TAX1BP3: variants seen among roughly 807,000 people sequenced by gnomAD.
The protein encoded by TAX1BP3 is Tax1 binding protein 3.
TAX1BP3 carries 13 observed loss-of-function variants against 15.3 expected under a neutral mutation model. That is an observed-to-expected ratio of 0.85 (90% CI 0.55 to 1.35). The LOEUF (loss-of-function observed/expected upper bound fraction) is 1.35, where lower values mean the gene tolerates loss of function less well. TAX1BP3 is among the 40% of genes most tolerant of loss of function. The probability of loss-of-function intolerance (pLI) is 0.00; values close to 1 mark genes in which losing one functional copy is unlikely to be tolerated. For missense variants in TAX1BP3, 147 were observed against 169.6 expected (o/e 0.87, Z 0.74); for synonymous variants, 70 against 66.0 (o/e 1.06, Z -0.30).
chr17:3,666,506 G>A (rs1597677091), intron 1 of TAX1BP3, among the ~76,000 whole-genome samples: 1 of 152,214 alleles, frequency 6.6e-6, no homozygotes, highest in African/African-American at 2.4e-5. Flanking sequence ...CCAGGAGGAG[G>A]AGGAGCAGGT....
chr17:3,663,593 A>G lies in TAX1BP3; in HGVS notation c.*155T>C, dbSNP rs1430148578. On this transcript the variant is annotated 3_prime_UTR_variant, in exon 4 of 4. Transcript: ENST00000225525. ...CCAGAGGCCCCAGGCCAGGGATGGG[A>G]GAAGGGAAGGAAGGCCAGGCCAGGC... 1.8e-6 allele frequency: 2 copies of G among 1,129,788 alleles called. No individual in the cohort carries two copies. The highest frequency in any genetic ancestry group is 3.1e-5 in the African/African-American group (2 of 63,806). The allele number at this position is 1,129,788 out of a possible 1,614,324, so 70.0% of individuals were successfully genotyped here.
rs1246557570 is a variant in TAX1BP3, at chr17:3,664,660, G to A, written c.159+19C>T. On this transcript the variant is annotated intron_variant, in intron 2 of 3. Coordinates refer to ENST00000225525, the MANE Select transcript of TAX1BP3 (RefSeq NM_014604.4). ...CCCTGTGCCCCATGGAGCGGTCCCA[G>A]GACCCCAGACCCCCTCACCTTGTCC... 1 of 1,613,580 alleles carries A rather than the reference G, an allele frequency of 6.2e-7. No homozygotes were observed. The highest frequency in any genetic ancestry group is 1.7e-5 in the Admixed American group (1 of 60,014).
At chr17:3,666,581 G>T (rs765923005) in intron 1 of TAX1BP3, among the ~76,000 whole-genome samples, 16 of 152,250 alleles carry the variant, frequency 1.1e-4, no homozygotes, top group Non-Finnish European at 1.8e-4. Flanking sequence ...TGGAGCCAGG[G>T]TTCAGAAGAA....
chr17:3,664,441 T>C, intron 2 of TAX1BP3, 169 bp from the exon 3 acceptor site: 1 of 925,898 alleles, frequency 1.1e-6, no homozygotes, highest in Non-Finnish European at 1.7e-6. Context: ...GCAGAGTTGC[T>C]GCACCACCAT....
chr17:3,665,085 G>A, intron 1 of TAX1BP3: 1 of 689,728 alleles, frequency 1.4e-6, no homozygotes, highest in South Asian at 1.6e-5. Flanking sequence ...CAAGAGTCCA[G>A]GTGCTGTGGC....
intron 2 of TAX1BP3, 53 bp downstream of exon 2, chr17:3,664,626 A>G (rs543880816): frequency 3.1e-6 from 5 of 1,607,306 alleles, no homozygotes; most frequent in East Asian, 2.2e-5. Flanking sequence ...GAGACCCACC[A>G]TCTCAGGCCC....
chr17:3,665,742 C>CAGAAAAAAAAA, intron 1 of TAX1BP3: 1 of 140,596 alleles, frequency 7.1e-6, no homozygotes, highest in South Asian at 6.8e-5. Context: ...CTCTGGGCTC[C>CAGAAAAAAAAA]AAAAAAAAAA....
Position 3,664,418 on chromosome 17 carries a change from TGA to T in TAX1BP3, c.160-148_160-147del, listed in dbSNP as rs977623048. The T allele has an allele frequency of 1.4e-5, 15 of 1,073,494 alleles. No individual in the cohort carries two copies. In the African/African-American group the frequency reaches 2.2e-4, roughly 16 times the overall value. 66.5% of individuals were successfully genotyped at this position (1,073,494 alleles called of 1,614,324 possible). On this transcript the variant is annotated intron_variant, in intron 2 of 3. Coordinates refer to ENST00000225525, the MANE Select transcript of TAX1BP3 (RefSeq NM_014604.4). Reference sequence around the variant, plus strand: ...CACATATGGTCAGTGAGGACTGTTCTGAGAGAGCCGGGGCAGAGTTGCTGCAC... The same window carrying T: ...CACATATGGTCAGTGAGGACTGTTCTGAGAGCCGGGGCAGAGTTGCTGCAC...
intron 1 of TAX1BP3, among the ~76,000 whole-genome samples, chr17:3,666,861 C>A (rs1374198076): frequency 6.6e-6 from 1 of 152,194 alleles, no homozygotes; most frequent in Admixed American, 6.5e-5. Flanking sequence ...AAACTGAGCT[C>A]CTCCAGGCCT....
At chr17:3,665,559 C>G (rs1199133151) in intron 1 of TAX1BP3, 8 of 1,379,334 alleles carry the variant, frequency 5.8e-6, no homozygotes, top group Non-Finnish European at 8.2e-6. Flanking sequence ...GGAAAATGAT[C>G]AGAAAAAGAA....
chr17:3,664,074 G>T, intron 3 of TAX1BP3, 121 bp downstream of exon 3: 1 of 1,467,042 alleles, frequency 6.8e-7, no homozygotes. Context: ...ATGCCAGTAT[G>T]GGTTCCCAAT....
chr17:3,668,470 C>G lies in TAX1BP3; in HGVS notation c.39+18G>C, dbSNP rs778584403. On this transcript the variant is annotated intron_variant, in intron 1 of 3. Transcript: ENST00000225525. This position sits in a 1 kb window ranked among gnomAD's most constrained non-coding sequence, Gnocchi z 4.1. ...GGGTCAGGCCAAGACGAGGAGGAGC[C>G]CGCGCAAGCGCACTCACCACCACGG... 1.2e-6 allele frequency: 2 copies of G among 1,607,592 alleles called. No homozygotes were observed. The highest frequency in any genetic ancestry group is 1.3e-5 in the African/African-American group (1 of 74,174).
At chr17:3,664,516 C>T (rs1004972922) in intron 2 of TAX1BP3, 163 bp downstream of exon 2, 1 of 1,106,256 alleles carries the variant, frequency 9.0e-7, no homozygotes, top group Non-Finnish European at 1.3e-6. Context: ...CCCTTCCTCA[C>T]CCCACCCGTC....
chr17:3,665,337 G>A, intron 1 of TAX1BP3: 6 of 1,261,752 alleles, frequency 4.8e-6, no homozygotes, highest in South Asian at 2.4e-5. Context: ...AGGTGATACT[G>A]TAGACATCAA....
rs1470540539 is a variant in TAX1BP3 at position 3,665,827 on chromosome 17, T to C, written c.40-1029A>G. Reference sequence around the variant, plus strand: ...GCGCACAGGGTGCCGTGGATACGTGTTCGTGAGACTGGAGTGTCCAGTGCA... The same window carrying C: ...GCGCACAGGGTGCCGTGGATACGTGCTCGTGAGACTGGAGTGTCCAGTGCA... On this transcript the variant is annotated intron_variant, in intron 1 of 3. Coordinates refer to ENST00000225525, the MANE Select transcript of TAX1BP3 (RefSeq NM_014604.4). The C allele has an allele frequency of 4.9e-6, 3 of 617,692 alleles. No individual in the cohort carries two copies. In the African/African-American group the frequency reaches 5.6e-5, roughly 12 times the overall value. The allele number at this position is 617,692 out of a possible 1,614,324, so 38.3% of individuals were successfully genotyped here.
intron 1 of TAX1BP3, chr17:3,665,407 G>A (rs1157797714): frequency 8.2e-6 from 12 of 1,463,080 alleles, no homozygotes; most frequent in Non-Finnish European, 1.0e-5. Flanking sequence ...AAAACTGGAA[G>A]AGTCTACAAT....
In TAX1BP3 at chr17:3,668,578, T is replaced by A; in HGVS notation, c.-52A>T. 2 of 1,558,458 alleles carry A rather than the reference T, an allele frequency of 1.3e-6. No individual in the cohort carries two copies. Among genetic ancestry groups the A allele is most frequent in the Non-Finnish European group, 1.7e-6 (2 of 1,153,438 alleles). Reference sequence around the variant, plus strand: ...CCGCTCCGAGAAGCCGGCAGCAGAGTACCCGCGGTCGCGCCCTCGCTGCTT... The same window carrying A: ...CCGCTCCGAGAAGCCGGCAGCAGAGAACCCGCGGTCGCGCCCTCGCTGCTT... On this transcript the variant is annotated 5_prime_UTR_variant, in exon 1 of 4. Coordinates refer to ENST00000225525, the MANE Select transcript of TAX1BP3 (RefSeq NM_014604.4). This position sits in a 1 kb window ranked among gnomAD's most constrained non-coding sequence, Gnocchi z 4.1.
chr17:3,665,158 T>A, intron 1 of TAX1BP3: 1 of 841,808 alleles, frequency 1.2e-6, no homozygotes, highest in Admixed American at 1.8e-5. Flanking sequence ...CAAACTTGCA[T>A]AGAAAGGAGA....
intron 1 of TAX1BP3, chr17:3,665,784 T>G: frequency 9.3e-6 from 6 of 643,090 alleles, no homozygotes; most frequent in Non-Finnish European, 1.4e-5. Context: ...AGGAAGGGCT[T>G]GCCGGCCACG....
Sources: allele counts gnomAD v4.1 joint callset (sites outside exome capture counted in the v4.1 genomes callset), GRCh38; gene constraint gnomAD v4.1.1; non-coding constraint Gnocchi (gnomAD v3.1); transcripts MANE v1.5; gene names NCBI Gene and HGNC (gene_info 2026-07-23, HGNC 2026-07-21).